FANCC: variants seen among roughly 807,000 people sequenced by gnomAD.
FANCC encodes FA complementation group C, also known as Fanconi anemia group C protein.
Under a neutral mutation model 71.3 loss-of-function variants are expected in FANCC, and 55 were observed. The ratio of observed to expected loss-of-function variants is 0.77; its 90% CI spans 0.62 to 0.97. The LOEUF is 0.97. Ranked by LOEUF, FANCC falls within the 50% of genes least tolerant of loss-of-function variation. The probability of loss-of-function intolerance (pLI) is 0.00; values close to 1 mark genes in which losing one functional copy is unlikely to be tolerated. For synonymous variants in FANCC, 275 were observed against 244.9 expected (o/e 1.12, Z -1.15); for missense variants, 678 against 670.9 (o/e 1.01, Z -0.12).
In FANCC at chr9:95,109,838, A is replaced by C. The variant is rs139525534; in HGVS notation, c.1329+1625T>G. The C allele has an allele frequency of 3.9e-5, 6 of 152,346 alleles. No homozygotes were observed. In the East Asian group the frequency reaches 1.2e-3, roughly 29 times the overall value. 9.4% of individuals were successfully genotyped at this position (152,346 alleles called of 1,614,324 possible). A position where few individuals can be genotyped will look rare whatever the true frequency, so the allele number is the denominator to read the frequency against. ...AATCATGCTTTCTAACACAGTTCAC[A>C]GTTTGTCTCTCAAGCCTCCCAACAG... On this transcript the variant is annotated intron_variant, in intron 13 of 14. Transcript: ENST00000289081.
intron 10 of FANCC, chr9:95,123,804 G>T: frequency 1.4e-6 from 1 of 693,924 alleles, no homozygotes; most frequent in South Asian, 1.4e-5. Flanking sequence ...CACAAGGACT[G>T]AACACCCCTA....
At chr9:95,216,627 T>C (rs1828880630) in intron 4 of FANCC, among the ~76,000 whole-genome samples, 1 of 152,230 alleles carries the variant, frequency 6.6e-6, no homozygotes. Flanking sequence ...ATAAGAATAA[T>C]GTCTTCCTCC....
At position 95,100,885 on chromosome 9, in the gene FANCC, C is replaced by T. The variant is rs2071050063; in HGVS notation, c.*822G>A. On this transcript the variant is annotated 3_prime_UTR_variant, in exon 15 of 15. Coordinates refer to ENST00000289081, the MANE Select transcript of FANCC (RefSeq NM_000136.3). The stretch of plus-strand genomic sequence containing the variant: ...GCTGAAGTAATCCCCCTGCCTTGGC[C>T]TCCCAAAGTGCTGGGATCACAGGTG... 4.3e-6 allele frequency: 1 copy of T among 232,268 alleles called. No homozygotes were observed. Among genetic ancestry groups the T allele is most frequent in the African/African-American group, 2.2e-5 (1 of 45,298 alleles). 14.4% of individuals were successfully genotyped at this position (232,268 alleles called of 1,614,324 possible). A position where few individuals can be genotyped will look rare whatever the true frequency, so the allele number is the denominator to read the frequency against.
At chr9:95,294,054 C>G in intron 1 of FANCC, 1 of 1,607,850 alleles carries the variant, frequency 6.2e-7, no homozygotes, top group African/African-American at 1.3e-5. Context: ...GTGCACAGAA[C>G]AGTATGCTTC....
At chr9:95,227,318 T>C (rs1304832486) in intron 4 of FANCC, among the ~76,000 whole-genome samples, 1 of 152,168 alleles carries the variant, frequency 6.6e-6, no homozygotes, top group African/African-American at 2.4e-5. Context: ...GCAGGCTCAG[T>C]CCCAGCCAGG....
intron 4 of FANCC, among the ~76,000 whole-genome samples, chr9:95,239,725 T>C (rs1002647900): frequency 2.0e-5 from 3 of 152,196 alleles, no homozygotes; most frequent in Non-Finnish European, 4.4e-5. Flanking sequence ...CTCCCTTCTA[T>C]CTTTCAAACA....
At chr9:95,293,319 T>C (rs1268307657) in intron 1 of FANCC, 12 of 1,611,178 alleles carry the variant, frequency 7.4e-6, no homozygotes, top group Admixed American at 3.4e-5. Context: ...GCCCAGCCTG[T>C]GGTGTTAGGT....
intron 4 of FANCC, among the ~76,000 whole-genome samples, chr9:95,219,818 G>T (rs1434582317): frequency 1.3e-5 from 2 of 152,140 alleles, no homozygotes; most frequent in Non-Finnish European, 1.5e-5. Flanking sequence ...AGGACTTCAT[G>T]ACTAAAACAC....
At chr9:95,290,107 G>T (rs1056906382) in intron 1 of FANCC, among the ~76,000 whole-genome samples, 9 of 152,292 alleles carry the variant, frequency 5.9e-5, no homozygotes, top group Admixed American at 1.3e-4. Flanking sequence ...TCTACCTCCT[G>T]AGTAGGCACA....
chr9:95,275,118 A>AG (rs972699140), intron 1 of FANCC, among the ~76,000 whole-genome samples: 3 of 151,594 alleles, frequency 2.0e-5, no homozygotes, highest in African/African-American at 7.3e-5. Context: ...CAAAAAAAAA[A>AG]AAAAAAGAAA....
chr9:95,303,597 C>G (rs554091896), intron 1 of FANCC, among the ~76,000 whole-genome samples: 86 of 152,284 alleles, frequency 5.6e-4, no homozygotes, highest in African/African-American at 1.7e-3. Flanking sequence ...TGTTGAGAGC[C>G]CTCTTCCTGG....
At chr9:95,209,279 G>A (rs914775499) in intron 4 of FANCC, among the ~76,000 whole-genome samples, 15 of 152,268 alleles carry the variant, frequency 9.9e-5, no homozygotes, top group African/African-American at 3.1e-4. Flanking sequence ...GTGAAACTAC[G>A]CTGTATGATA....
rs573126959 is a variant in FANCC at position 95,292,899 on chromosome 9, A to G, written c.-79+24627T>C. The G allele has an allele frequency of 1.5e-5, 23 of 1,585,080 alleles. No individual in the cohort carries two copies. In the Admixed American group the frequency reaches 3.8e-4, roughly 26 times the overall value. On this transcript the variant is annotated intron_variant, in intron 1 of 14. Coordinates refer to ENST00000289081, the MANE Select transcript of FANCC (RefSeq NM_000136.3). ...GAAAAGACTTGCAGAGGACTGTGGC[A>G]AGACCTTCCGGTGCACATGCGGCTG...
rs963804096 is a variant in FANCC at position 95,294,873 on chromosome 9, A to G, written c.-79+22653T>C. On this transcript the variant is annotated intron_variant, in intron 1 of 14. Coordinates refer to ENST00000289081, the MANE Select transcript of FANCC (RefSeq NM_000136.3). ...CATTTCCTCTGGATTAAAACTACGG[A>G]CGGGGGACAACAGTATTAATTCGAT... 30 of 1,393,522 alleles carry G rather than the reference A, an allele frequency of 2.2e-5. No homozygotes were observed. In the East Asian group the frequency reaches 4.1e-4, roughly 19 times the overall value. 86.3% of individuals were successfully genotyped at this position (1,393,522 alleles called of 1,614,324 possible). A position where few individuals can be genotyped will look rare whatever the true frequency, so the allele number is the denominator to read the frequency against.
In FANCC at chr9:95,216,573, G is replaced by C. The variant is rs533277966; in HGVS notation, c.345+24076C>G. On this transcript the variant is annotated intron_variant, in intron 4 of 14. Coordinates refer to ENST00000289081, the MANE Select transcript of FANCC (RefSeq NM_000136.3). ...CCAACCCCTTTGGAAAAGAGACAGG[G>C]TCTCATTCAGAAGAAATGGGACAGG... is the stretch of plus-strand genomic sequence containing the variant. Among the ~76,000 whole-genome samples, 12 of 152,292 alleles carry C rather than the reference G, an allele frequency of 7.9e-5. No individual in the cohort carries two copies. The South Asian group carries it at 1.2e-3, about 16-fold the overall frequency.
At chr9:95,218,287 A>C (rs1829003101) in intron 4 of FANCC, among the ~76,000 whole-genome samples, 1 of 152,154 alleles carries the variant, frequency 6.6e-6, no homozygotes, top group Admixed American at 6.5e-5. Context: ...CAACACAGGA[A>C]AACCTCGTTG....
intron 1 of FANCC, among the ~76,000 whole-genome samples, chr9:95,286,294 T>G (rs1451744515): frequency 6.6e-6 from 1 of 152,246 alleles, no homozygotes; most frequent in Non-Finnish European, 1.5e-5. Flanking sequence ...AAACACAAAC[T>G]GCCTTTTCCA....
intron 1 of FANCC, among the ~76,000 whole-genome samples, chr9:95,306,303 AATACACTG>A (rs1452951810): frequency 1.3e-5 from 2 of 152,198 alleles, no homozygotes; most frequent in African/African-American, 4.8e-5. Context: ...ATGCGTATCA[AATACACTG>A]TGGATCTAAT....
intron 1 of FANCC, among the ~76,000 whole-genome samples, chr9:95,270,584 G>A (rs1832661576): frequency 6.6e-6 from 1 of 152,244 alleles, no homozygotes; most frequent in African/African-American, 2.4e-5. Context: ...CGCATGGCAA[G>A]GCAAGGAGCA....
Sources: gnomAD v4.1 joint callset for allele counts (sites outside exome capture counted in the v4.1 genomes callset) on GRCh38, gnomAD v4.1.1 for gene constraint, MANE v1.5 for transcripts, NCBI Gene and HGNC (gene_info 2026-07-23, HGNC 2026-07-21) for gene names.